The following MBD5 variants were observed in gnomAD, a reference collection of about 807,000 sequenced individuals.
MBD5 encodes the protein methyl-CpG binding domain protein 5, also known as methyl-CpG-binding domain protein 5.
A neutral mutation model predicts 117.3 loss-of-function variants in MBD5; 13 were observed. The observed-to-expected ratio is 0.11, with a 90% CI of 0.07 to 0.18. MBD5 has a LOEUF of 0.18. MBD5 is among the 10% of genes least tolerant of loss of function. The pLI is 1.00. For synonymous variants in MBD5, 727 were observed against 766.4 expected, an observed-to-expected ratio of 0.95 and a Z score of 0.85; for missense variants, 1,879 against 2,093.8, an observed-to-expected ratio of 0.90 and a Z score of 2.00.
intron 3 of MBD5, among the ~76,000 whole-genome samples, chr2:148,237,765 G>A (rs1700121937): frequency 6.6e-6 from 1 of 152,150 alleles, no homozygotes; most frequent in South Asian, 2.1e-4. Context: ...ACTTCAATTT[G>A]CCAAGTACAA....
At chr2:148,502,744 T>C (rs965043149) in intron 12 of MBD5, among the ~76,000 whole-genome samples, 18 of 152,238 alleles carry the variant, frequency 1.2e-4, no homozygotes, top group African/African-American at 4.3e-4. Flanking sequence ...CTGTTCTTTC[T>C]TCATTCCCTG....
At chr2:148,395,838 T>C (rs910447695) in intron 4 of MBD5, among the ~76,000 whole-genome samples, 12 of 152,148 alleles carry the variant, frequency 7.9e-5, no homozygotes, top group Admixed American at 2.6e-4. Context: ...CACACTCTCA[T>C]GGGCAAGAGC....
intron 4 of MBD5, among the ~76,000 whole-genome samples, chr2:148,412,649 G>A (rs911541810): frequency 6.6e-6 from 1 of 151,938 alleles, no homozygotes; most frequent in African/African-American, 2.4e-5. Context: ...GTGTTTTGTA[G>A]TTCTCCTTGT....
chr2:148,223,437 C>T (rs1201966731), intron 2 of MBD5, among the ~76,000 whole-genome samples: 1 of 152,064 alleles, frequency 6.6e-6, no homozygotes. Flanking sequence ...AATCTCATTA[C>T]TTGTTACTGG....
intron 2 of MBD5, among the ~76,000 whole-genome samples, chr2:148,218,897 A>G (rs1049337905): frequency 1.3e-4 from 20 of 152,332 alleles, no homozygotes; most frequent in African/African-American, 4.8e-4. Context: ...AAGGCCTAGG[A>G]CATTACTGTA....
At chr2:148,485,388 G>T in intron 9 of MBD5, 1 of 236,546 alleles carries the variant, frequency 4.2e-6, no homozygotes. Context: ...AACATTATAG[G>T]ACTAATTTCA....
At chr2:148,426,912 G>A (rs1323485142) in intron 4 of MBD5, among the ~76,000 whole-genome samples, 3 of 151,840 alleles carry the variant, frequency 2.0e-5, no homozygotes, top group Admixed American at 6.6e-5. Context: ...TCTGACAAAG[G>A]GCTAATATCC....
At chr2:148,078,422 GAGACTACCAGAT>G (rs1302513262) in intron 1 of MBD5, among the ~76,000 whole-genome samples, 2 of 151,912 alleles carry the variant, frequency 1.3e-5, no homozygotes, top group Non-Finnish European at 2.9e-5. Flanking sequence ...TATTTGTTTG[GAGACTACCAGAT>G]ACACACAAGA....
chr2:148,209,959 A>G (rs1375413567), intron 2 of MBD5, among the ~76,000 whole-genome samples: 2 of 152,216 alleles, frequency 1.3e-5, no homozygotes, highest in East Asian at 1.9e-4. Flanking sequence ...TTACATTTCA[A>G]CATGAGATTT....
rs951507261 is a variant in MBD5 at position 148,440,797 on chromosome 2, C to G, written c.-556-17406C>G. 1.3e-5 allele frequency among the ~76,000 whole-genome samples: 2 copies of G among 152,138 alleles called. 1 individual carries two copies. The highest frequency in any genetic ancestry group is 1.3e-4 in the Admixed American group (2 of 15,266). ...ATGAAAGAGGAATAAACAGGTAACT[C>G]TAGGCAGGATAACAAAAGGTTACTT... On this transcript the variant is annotated intron_variant, in intron 4 of 13. Transcript: ENST00000642680.
At chr2:148,364,635 G>T (rs1257986156) in intron 4 of MBD5, among the ~76,000 whole-genome samples, 1 of 152,114 alleles carries the variant, frequency 6.6e-6, no homozygotes, top group African/African-American at 2.4e-5. Context: ...CAGAATAAAG[G>T]GATGGAGGAA....
chr2:148,163,572 C>T lies in MBD5; in HGVS notation c.-924-15128C>T, dbSNP rs573248802. On this transcript the variant is annotated intron_variant, in intron 1 of 13. Coordinates refer to ENST00000642680, the MANE Select transcript of MBD5 (RefSeq NM_001378120.1). Reference sequence around the variant, plus strand: ...CTGGGATTACAGGCATGTGACACCACGCCTGGCTAATTTTGTATTTGTAGT... The same window carrying T: ...CTGGGATTACAGGCATGTGACACCATGCCTGGCTAATTTTGTATTTGTAGT... Among the ~76,000 whole-genome samples, 28 of 152,154 alleles carry T rather than the reference C, an allele frequency of 1.8e-4. No individual in the cohort carries two copies. The East Asian group carries it at 4.1e-3, about 22-fold the overall frequency.
intron 1 of MBD5, among the ~76,000 whole-genome samples, chr2:148,043,282 A>C (rs1034438886): frequency 2.0e-5 from 3 of 149,920 alleles, no homozygotes; most frequent in South Asian, 2.1e-4. Flanking sequence ...AAAAAAAATA[A>C]AAAAATAAAT....
intron 1 of MBD5, among the ~76,000 whole-genome samples, chr2:148,099,546 G>A (rs1696152039): frequency 6.6e-6 from 1 of 152,212 alleles, no homozygotes; most frequent in Admixed American, 6.6e-5. Context: ...AGGTTATCAT[G>A]AGGTTCTACA....
chr2:148,352,194 A>ATC (rs1350562993), intron 4 of MBD5, among the ~76,000 whole-genome samples: 1 of 151,998 alleles, frequency 6.6e-6, no homozygotes, highest in Admixed American at 6.6e-5. Flanking sequence ...CTCTCCATGT[A>ATC]TCTCTCCTCC....
intron 3 of MBD5, among the ~76,000 whole-genome samples, chr2:148,240,469 C>T (rs1296386731): frequency 6.6e-6 from 1 of 151,726 alleles, no homozygotes; most frequent in African/African-American, 2.4e-5. Context: ...AGGCTGGTCT[C>T]GAATGCCTGG....
chr2:148,056,016 A>G (rs1452436915), intron 1 of MBD5: 1 of 152,190 alleles, frequency 6.6e-6, no homozygotes, highest in African/African-American at 2.4e-5. Flanking sequence ...ATTATAATTT[A>G]ATTTTATGTC....
At chr2:148,305,903 TATAGTTTTCCA>T (rs1431061417) in intron 3 of MBD5, among the ~76,000 whole-genome samples, 1 of 152,198 alleles carries the variant, frequency 6.6e-6, no homozygotes, top group Admixed American at 6.5e-5. Context: ...ACAGGTCCAC[TATAGTTTTCCA>T]GTGAAACAAA....
intron 4 of MBD5, among the ~76,000 whole-genome samples, chr2:148,418,309 T>G (rs1705488348): frequency 6.6e-6 from 1 of 152,242 alleles, no homozygotes; most frequent in Admixed American, 6.5e-5. Context: ...AGGCCCCACT[T>G]ATTTATTTTT....
Sources: gnomAD v4.1 joint callset for allele counts (sites outside exome capture counted in the v4.1 genomes callset) on GRCh38, gnomAD v4.1.1 for gene constraint, MANE v1.5 for transcripts, NCBI Gene and HGNC (gene_info 2026-07-23, HGNC 2026-07-21) for gene names.